Variants in KCNMA1 observed in about 807,000 individuals in gnomAD.
The protein encoded by KCNMA1 is potassium calcium-activated channel subfamily M alpha 1, also known as Calcium-activated potassium channel subunit alpha-1.
A neutral mutation model predicts 140.0 loss-of-function variants in KCNMA1; 29 were observed. That is an observed-to-expected ratio of 0.21 (90% CI 0.15 to 0.28). The LOEUF (loss-of-function observed/expected upper bound fraction) is 0.28. Ranked by LOEUF, KCNMA1 falls within the 10% of genes least tolerant of loss-of-function variation. KCNMA1 has a pLI of 1.00. For synonymous variants in KCNMA1, 612 were observed against 611.9 expected (o/e 1.00, Z 0.00); for missense variants, 880 against 1,602.2 (o/e 0.55, Z 7.70).
intron 1 of KCNMA1, among the ~76,000 whole-genome samples, chr10:77,562,310 AT>A (rs1277637173): frequency 6.6e-6 from 1 of 152,214 alleles, no homozygotes; most frequent in East Asian, 1.9e-4. Context: ...AAGCACCTGA[AT>A]TTTGTGTAAC....
chr10:77,547,747 C>A (rs1008558285), intron 1 of KCNMA1, among the ~76,000 whole-genome samples: 4 of 152,200 alleles, frequency 2.6e-5, no homozygotes, highest in African/African-American at 9.7e-5. Flanking sequence ...CTGACTCAAG[C>A]AGCACCCAAG....
At chr10:77,047,180 G>A (rs1018149609) in intron 14 of KCNMA1, among the ~76,000 whole-genome samples, 19 of 152,270 alleles carry the variant, frequency 1.2e-4, no homozygotes, top group Admixed American at 1.1e-3. Context: ...AAACAATTTT[G>A]GGGGGATTTG....
intron 5 of KCNMA1, among the ~76,000 whole-genome samples, chr10:77,151,116 TCTC>T (rs2098408346): frequency 6.6e-6 from 1 of 151,892 alleles, no homozygotes; most frequent in South Asian, 2.1e-4. Context: ...TTCTTCTCTC[TCTC>T]TTCTCTTCCT....
At chr10:77,332,468 C>T (rs555714718) in intron 2 of KCNMA1, among the ~76,000 whole-genome samples, 1 of 152,288 alleles carries the variant, frequency 6.6e-6, no homozygotes, top group Non-Finnish European at 1.5e-5. Context: ...GGCTGTTCTG[C>T]CCATGGATCA....
At chr10:76,963,061 C>T (rs2072362944) in intron 20 of KCNMA1, among the ~76,000 whole-genome samples, 1 of 152,192 alleles carries the variant, frequency 6.6e-6, no homozygotes, top group Non-Finnish European at 1.5e-5. Context: ...TCAAGGCTGC[C>T]TGAAGTTCGC....
intron 1 of KCNMA1, among the ~76,000 whole-genome samples, chr10:77,490,383 G>A (rs2098517634): frequency 6.6e-6 from 1 of 152,146 alleles, no homozygotes; most frequent in Non-Finnish European, 1.5e-5. Flanking sequence ...GACCTAGCCT[G>A]ATTCCAGCAA....
At chr10:77,371,085 G>A (rs558027559) in intron 2 of KCNMA1, among the ~76,000 whole-genome samples, 10 of 152,134 alleles carry the variant, frequency 6.6e-5, no homozygotes, top group East Asian at 1.9e-4. Flanking sequence ...GGCTAGCACC[G>A]CCCAGCGTTC....
intron 2 of KCNMA1, chr10:77,376,431 G>A (rs2095106057): frequency 6.6e-6 from 1 of 152,184 alleles, no homozygotes; most frequent in African/African-American, 2.4e-5. Flanking sequence ...TATCCCAGGA[G>A]TCACAGAAGG....
chr10:77,617,311 A>G (rs1012011570), intron 1 of KCNMA1, among the ~76,000 whole-genome samples: 6 of 152,194 alleles, frequency 3.9e-5, no homozygotes, highest in African/African-American at 1.2e-4. Flanking sequence ...CACGCCAGGT[A>G]AGATTCAAAG....
chr10:77,539,240 G>A (rs11002200), intron 1 of KCNMA1, among the ~76,000 whole-genome samples: 25,308 of 152,214 alleles, frequency 0.17, 2,954 homozygotes, highest in East Asian at 0.54. Flanking sequence ...GAGCTAGCAT[G>A]ATAGGTACTA....
chr10:77,225,927 G>A (rs530936239), intron 3 of KCNMA1, among the ~76,000 whole-genome samples: 17 of 152,294 alleles, frequency 1.1e-4, no homozygotes, highest in East Asian at 3.9e-4. Context: ...CACAAAGGCC[G>A]CAGATCCAAG....
At chr10:77,431,520 C>T (rs1278765373) in intron 1 of KCNMA1, among the ~76,000 whole-genome samples, 2 of 151,964 alleles carry the variant, frequency 1.3e-5, no homozygotes, top group South Asian at 2.1e-4. Flanking sequence ...AGACCTGGGG[C>T]CCCCTCTTGG....
chr10:77,459,132 T>C (rs2154523229), intron 1 of KCNMA1, among the ~76,000 whole-genome samples: 1 of 152,300 alleles, frequency 6.6e-6, no homozygotes, highest in Non-Finnish European at 1.5e-5. Context: ...GGGAAGGCAC[T>C]GACAGTAGGG....
At chr10:77,430,787 T>C (rs926038025) in intron 1 of KCNMA1, among the ~76,000 whole-genome samples, 1 of 152,242 alleles carries the variant, frequency 6.6e-6, no homozygotes, top group African/African-American at 2.4e-5. Flanking sequence ...AGCTGATTCG[T>C]CTTTGTATCA....
intron 1 of KCNMA1, among the ~76,000 whole-genome samples, chr10:77,502,398 A>C (rs2044244706): frequency 6.6e-6 from 1 of 152,126 alleles, no homozygotes; most frequent in South Asian, 2.1e-4. Flanking sequence ...GGATCCACCA[A>C]AATACCTGCC....
intron 1 of KCNMA1, among the ~76,000 whole-genome samples, chr10:77,436,668 C>A (rs2097268087): frequency 6.6e-6 from 1 of 152,210 alleles, no homozygotes; most frequent in African/African-American, 2.4e-5. Flanking sequence ...GCACTAGAAG[C>A]AGGGGCTGTT....
intron 2 of KCNMA1, among the ~76,000 whole-genome samples, chr10:77,367,914 G>A (rs1018881781): frequency 2.6e-5 from 4 of 152,104 alleles, no homozygotes; most frequent in African/African-American, 9.7e-5. Flanking sequence ...ATGTATTCAT[G>A]GTAAGGATGT....
intron 2 of KCNMA1, among the ~76,000 whole-genome samples, chr10:77,375,459 G>T (rs1017435946): frequency 1.3e-5 from 2 of 152,134 alleles, no homozygotes; most frequent in African/African-American, 4.8e-5. Context: ...GGGAATTCAC[G>T]CGGCTGTTAA....
intron 3 of KCNMA1, among the ~76,000 whole-genome samples, chr10:77,198,661 G>A (rs2041499050): frequency 6.7e-6 from 1 of 149,074 alleles, no homozygotes; most frequent in African/African-American, 2.5e-5. Flanking sequence ...ATCAAGCTTC[G>A]CTCTAATGTC....
Sources: gnomAD v4.1 joint callset for allele counts (sites outside exome capture counted in the v4.1 genomes callset) on GRCh38, gnomAD v4.1.1 for gene constraint, MANE v1.5 for transcripts, NCBI Gene and HGNC (gene_info 2026-07-23, HGNC 2026-07-21) for gene names.